The following ZNF665 variants were observed in gnomAD, a reference collection of about 807,000 sequenced individuals.
ZNF665 encodes the protein zinc finger protein 665.
In ZNF665, 6 loss-of-function variants were observed where a neutral mutation model predicts 7.9. That is an observed-to-expected ratio of 0.76 (90% CI 0.42 to 1.50). ZNF665 has a LOEUF of 1.50. ZNF665 is among the 40% of genes most tolerant of loss of function. The probability of loss-of-function intolerance (pLI) is 0.01; values close to 1 mark genes in which losing one functional copy is unlikely to be tolerated. For missense variants in ZNF665, 819 were observed against 806.7 expected, an observed-to-expected ratio of 1.02 and a Z score of -0.18; for synonymous variants, 242 against 274.5, an observed-to-expected ratio of 0.88 and a Z score of 1.17.
intron 3 of ZNF665, among the ~76,000 whole-genome samples, chr19:53,168,210 T>G (rs2090632707): frequency 6.6e-6 from 1 of 152,008 alleles, no homozygotes; most frequent in South Asian, 2.1e-4. Context: ...TTGAGAAAAT[T>G]CAATATACTC....
intron 1 of ZNF665, among the ~76,000 whole-genome samples, chr19:53,185,264 G>A (rs2090769523): frequency 6.6e-6 from 1 of 151,834 alleles, no homozygotes; most frequent in South Asian, 2.1e-4. Context: ...CTAGACCACG[G>A]TCCGCTTGGC....
chr19:53,182,019 A>G (rs952363424), intron 2 of ZNF665: 5 of 152,290 alleles, frequency 3.3e-5, no homozygotes, highest in African/African-American at 1.2e-4. Context: ...CATTCATCCA[A>G]TATTCTGTCT....
intron 1 of ZNF665, among the ~76,000 whole-genome samples, chr19:53,190,889 G>C (rs779931291): frequency 2.8e-5 from 4 of 143,326 alleles, no homozygotes; most frequent in Non-Finnish European, 4.4e-5. Flanking sequence ...AGCCAAGATC[G>C]TGCCATTGCA....
chr19:53,185,299 C>T (rs1039051155), intron 1 of ZNF665, among the ~76,000 whole-genome samples: 7 of 151,924 alleles, frequency 4.6e-5, no homozygotes, highest in East Asian at 1.9e-4. Flanking sequence ...CAGACGCTGG[C>T]GTCACCGCTA....
intron 2 of ZNF665, chr19:53,181,743 G>C (rs920815686): frequency 6.6e-6 from 1 of 152,152 alleles, no homozygotes; most frequent in African/African-American, 2.4e-5. Flanking sequence ...TTATAAGACT[G>C]TACTAAAGTG....
rs1168537708 is a variant in ZNF665 at position 53,175,465 on chromosome 19, T to C, written c.122A>G (p.Tyr41Cys). The C allele has an allele frequency of 1.9e-6, 3 of 1,612,290 alleles. No individual in the cohort carries two copies. The South Asian group carries it at 3.3e-5, about 18-fold the overall frequency. Residue 41 changes from tyrosine to cysteine, a missense_variant, in exon 3 of 4, where the codon TAT (tyrosine) becomes TGT (cysteine). Coordinates refer to ENST00000396424, the MANE Select transcript of ZNF665 (RefSeq NM_024733.5). ...CTCACCCAGGGAGACCAGGTTCCTA[T>C]AATTCTCCAACATGACGTCCCTGTA... The part of the protein sequence containing the change: ...TLYRDVMLEN[Y>C]RNLVSLDISC...
rs574751382 is a variant in ZNF665, at chr19:53,165,838, G to C, written c.652C>G (p.Arg218Gly). 8.1e-6 allele frequency: 13 copies of C among 1,614,058 alleles called. No homozygotes were observed. In the South Asian group the frequency reaches 1.2e-4, roughly 15 times the overall value. ...CNKCGKAFTV[R>G]SNLTIHQVIH... is the part of the protein sequence containing the mutation. ...ACCTGATGGATTGTTAGGTTTGAACGAACAGTAAAGGCTTTGCCACACTTA... is the reference window on the plus strand; with the variant it reads ...ACCTGATGGATTGTTAGGTTTGAACCAACAGTAAAGGCTTTGCCACACTTA... The change falls in exon 4 of 4, where the codon CGT becomes GGT. Residue 218 changes from arginine (R) to glycine (G), a missense_variant. Physicochemically the swap from Arg to Gly is moderately radical, Grantham distance 125. Coordinates refer to ENST00000396424, the MANE Select transcript of ZNF665 (RefSeq NM_024733.5).
chr19:53,184,785 C>T (rs117654539), intron 1 of ZNF665, among the ~76,000 whole-genome samples: 30,912 of 151,236 alleles, frequency 0.2, 3,542 homozygotes, highest in Admixed American at 0.25. Flanking sequence ...CCCCGAATGC[C>T]AGGCCGCGCT....
Position 53,163,426 on chromosome 19 carries a change from C to T in ZNF665, c.*1027G>A, listed in dbSNP as rs2090578302. The T allele has an allele frequency of 6.6e-6, 1 of 152,200 alleles. No individual in the cohort carries two copies. The highest frequency in any genetic ancestry group is 2.4e-5 in the African/African-American group (1 of 41,452). The allele number at this position is 152,200 out of a possible 1,614,324, so 9.4% of individuals were successfully genotyped here. ...GATGATGAGTGACATCATAGTTCATCATCCTCTGCCCTTTCCAAGTGCTCT... is the reference window on the plus strand; with the variant it reads ...GATGATGAGTGACATCATAGTTCATTATCCTCTGCCCTTTCCAAGTGCTCT... On this transcript the variant is annotated 3_prime_UTR_variant, in exon 4 of 4. Transcript: ENST00000396424.
intron 2 of ZNF665, chr19:53,180,619 G>T (rs2146872713): frequency 6.6e-6 from 1 of 152,250 alleles, no homozygotes; most frequent in South Asian, 2.1e-4. Context: ...GAAATAAGGA[G>T]ATGTGTCTCA....
chr19:53,189,051 C>CTCTGTG (rs1555805725), intron 1 of ZNF665, among the ~76,000 whole-genome samples: 6 of 137,650 alleles, frequency 4.4e-5, no homozygotes, highest in Non-Finnish European at 6.5e-5. Context: ...GCTTTATTTT[C>CTCTGTG]TGTGTGTGTG....
chr19:53,175,362 C>A, intron 3 of ZNF665, 83 bp downstream of exon 3: 1 of 1,524,816 alleles, frequency 6.6e-7, no homozygotes, highest in Non-Finnish European at 8.9e-7. Flanking sequence ...TCAAGCAATG[C>A]AGGGGCTCTC....
chr19:53,171,442 G>A (rs77104560), intron 3 of ZNF665, among the ~76,000 whole-genome samples: 2 of 143,134 alleles, frequency 1.4e-5, no homozygotes, highest in East Asian at 4.2e-4. Flanking sequence ...AGTACACTAT[G>A]TACTAAAATT....
chr19:53,167,668 G>A (rs2090626598), intron 3 of ZNF665, among the ~76,000 whole-genome samples: 1 of 149,278 alleles, frequency 6.7e-6, no homozygotes. Flanking sequence ...GGATGGTCTC[G>A]ATTTCCTGAC....
At chr19:53,183,821 C>T (rs774498531) in intron 1 of ZNF665, among the ~76,000 whole-genome samples, 3 of 151,994 alleles carry the variant, frequency 2.0e-5, no homozygotes, top group Non-Finnish European at 4.4e-5. Flanking sequence ...TTGGGGACCC[C>T]GGAAAAGGAA....
At chr19:53,192,325 C>G (rs891802599) in intron 1 of ZNF665, among the ~76,000 whole-genome samples, 1 of 152,104 alleles carries the variant, frequency 6.6e-6, no homozygotes, top group African/African-American at 2.4e-5. Flanking sequence ...CTCTGCTCTC[C>G]TTGTCACCAG....
rs1260306237 is a variant in ZNF665 at position 53,169,874 on chromosome 19, T to C, written c.143-3527A>G. ...CAAAGGACATGAACTCATCATTTTT[T>C]ATGGCTGCATAGTATTCCATGGTGT... is the stretch of plus-strand genomic sequence containing the variant. On this transcript the variant is annotated intron_variant, in intron 3 of 3. Transcript: ENST00000396424. 4.8e-5 allele frequency among the ~76,000 whole-genome samples: 7 copies of C among 146,348 alleles called. No homozygotes were observed. In the Admixed American group the frequency reaches 4.9e-4, roughly 10 times the overall value.
At chr19:53,182,824 C>T (rs2090747998) in intron 2 of ZNF665, 60 bp downstream of exon 2, 3 of 1,612,482 alleles carry the variant, frequency 1.9e-6, no homozygotes, top group Non-Finnish European at 2.5e-6. Context: ...TTCCCAACTC[C>T]AAGGTCCAAG....
chr19:53,189,840 C>T (rs117953832), intron 1 of ZNF665, among the ~76,000 whole-genome samples: 5 of 150,752 alleles, frequency 3.3e-5, no homozygotes, highest in Admixed American at 1.3e-4. Context: ...TTACGCTACC[C>T]CTAGACCACG....
Sources: allele counts gnomAD v4.1 joint callset (sites outside exome capture counted in the v4.1 genomes callset), GRCh38; gene constraint gnomAD v4.1.1; transcripts MANE v1.5; gene names NCBI Gene and HGNC (gene_info 2026-07-23, HGNC 2026-07-21).